The following CHN2 variants were observed in gnomAD, a reference collection of about 807,000 sequenced individuals.
The protein encoded by CHN2 is beta-chimaerin.
Under a neutral mutation model 56.3 loss-of-function variants are expected in CHN2, and 35 were observed. That is an observed-to-expected ratio of 0.62 (90% CI 0.47 to 0.82). CHN2 has a LOEUF of 0.82. Among genes scored for constraint, CHN2 ranks in the 40% least tolerant of loss-of-function variants. The pLI is 0.00. For missense variants in CHN2, 491 were observed against 580.5 expected (o/e 0.85, Z 1.58); for synonymous variants, 210 against 212.8 (o/e 0.99, Z 0.12).
intron 1 of CHN2, among the ~76,000 whole-genome samples, chr7:29,207,935 A>G (rs1026169172): frequency 3.9e-5 from 6 of 152,210 alleles, no homozygotes; most frequent in African/African-American, 1.4e-4. Flanking sequence ...AATGCATTTG[A>G]TCAGATCACA....
intron 1 of CHN2, among the ~76,000 whole-genome samples, chr7:29,251,569 A>T (rs1788524977): frequency 1.3e-5 from 2 of 152,264 alleles, no homozygotes; most frequent in African/African-American, 4.8e-5. Context: ...GAACATGGTG[A>T]GTACTGAATA....
intron 6 of CHN2, among the ~76,000 whole-genome samples, chr7:29,409,275 G>A (rs1432447135): frequency 6.6e-6 from 1 of 152,112 alleles, no homozygotes; most frequent in Non-Finnish European, 1.5e-5. Context: ...GGACCCCAAA[G>A]AGCTTCTGTT....
chr7:29,338,303 GA>G (rs1391254170), intron 1 of CHN2, among the ~76,000 whole-genome samples: 1 of 152,290 alleles, frequency 6.6e-6, no homozygotes, highest in East Asian at 1.9e-4. Flanking sequence ...TGTAAGATGG[GA>G]TAAGAGTACC....
intron 6 of CHN2, among the ~76,000 whole-genome samples, chr7:29,465,636 T>G (rs937488658): frequency 1.3e-5 from 2 of 152,206 alleles, no homozygotes; most frequent in Non-Finnish European, 2.9e-5. Flanking sequence ...CAAGAAATTC[T>G]TAGCAAACAA....
In CHN2 at chr7:29,328,125, G is replaced by A. The variant is rs756600786; in HGVS notation, c.50-26500G>A. Reference sequence around the variant, plus strand: ...AGTCTTTAAAGAGAGTTCATCCTGGGCAGCGTCTTCATTTCTGCTCGGCCT... The same window carrying A: ...AGTCTTTAAAGAGAGTTCATCCTGGACAGCGTCTTCATTTCTGCTCGGCCT... On this transcript the variant is annotated intron_variant, in intron 1 of 12. Coordinates refer to ENST00000222792, the MANE Select transcript of CHN2 (RefSeq NM_004067.4). Among the ~76,000 whole-genome samples, 11 of 152,274 alleles carry A rather than the reference G, an allele frequency of 7.2e-5. 1 individual carries two copies. The South Asian group carries it at 1.2e-3, about 17-fold the overall frequency.
chr7:29,321,221 AC>A (rs1029120756), intron 1 of CHN2, among the ~76,000 whole-genome samples: 4 of 152,250 alleles, frequency 2.6e-5, no homozygotes, highest in Admixed American at 2.0e-4. Flanking sequence ...TGTGCAGACA[AC>A]CCAAGATCTT....
At chr7:29,482,696 A>G (rs969680384) in intron 7 of CHN2, among the ~76,000 whole-genome samples, 1 of 150,300 alleles carries the variant, frequency 6.7e-6, no homozygotes, top group African/African-American at 2.5e-5. Context: ...TGAGGCTACT[A>G]TGTGCATAGC....
chr7:29,461,245 A>G (rs1009658929), intron 6 of CHN2, among the ~76,000 whole-genome samples: 3 of 152,232 alleles, frequency 2.0e-5, no homozygotes, highest in African/African-American at 4.8e-5. Context: ...TGCTAAAGAC[A>G]GGAATACAGT....
chr7:29,477,838 T>C (rs1489046605), intron 6 of CHN2, among the ~76,000 whole-genome samples: 3 of 152,252 alleles, frequency 2.0e-5, no homozygotes, highest in Admixed American at 6.5e-5. Context: ...CAGTCCTCTT[T>C]GCACACCTTC....
intron 6 of CHN2, among the ~76,000 whole-genome samples, chr7:29,468,597 C>G (rs932805316): frequency 1.4e-5 from 2 of 145,476 alleles, no homozygotes; most frequent in African/African-American, 5.7e-5. Context: ...ACTCTTTTTA[C>G]TGCAGTGCTT....
rs1791233975 is a variant in CHN2 at position 29,510,834 on chromosome 7, A to AGAG, written c.1235+1429_1235+1431dup. Among the ~76,000 whole-genome samples, 4 of 152,302 alleles carry AGAG rather than the reference A, an allele frequency of 2.6e-5. No individual in the cohort carries two copies. In the South Asian group the frequency reaches 8.3e-4, roughly 32 times the overall value. On this transcript the variant is annotated intron_variant, in intron 12 of 12. Coordinates refer to ENST00000222792, the MANE Select transcript of CHN2 (RefSeq NM_004067.4). ...CATGGATCGCTGAGGTCCATCTCAG[A>AGAG]GAGTACCTGCCACACACACAGCTGT...
At chr7:29,240,834 G>GTCA (rs386409809) in intron 1 of CHN2, among the ~76,000 whole-genome samples, 6 of 148,240 alleles carry the variant, frequency 4.0e-5, no homozygotes, top group Admixed American at 2.0e-4. Context: ...CGTCGTCGTC[G>GTCA]TCTTCGTCTT....
intron 6 of CHN2, among the ~76,000 whole-genome samples, chr7:29,408,960 G>A (rs1254248420): frequency 6.6e-6 from 1 of 152,178 alleles, no homozygotes; most frequent in African/African-American, 2.4e-5. Context: ...TCTTGTGGCT[G>A]AAAGGAGAGT....
chr7:29,325,092 A>G (rs144792721), intron 1 of CHN2, among the ~76,000 whole-genome samples: 1 of 152,104 alleles, frequency 6.6e-6, no homozygotes, highest in Non-Finnish European at 1.5e-5. Context: ...TTTACAGTCT[A>G]TCCATTATTA....
At position 29,174,026 on chromosome 7, in the gene CHN2, A is replaced by G. The variant is rs568171961; in HGVS notation, c.274+27066A>G. Among the ~76,000 whole-genome samples, 11 of 152,154 alleles carry G rather than the reference A, an allele frequency of 7.2e-5. No individual in the cohort carries two copies. In the East Asian group the frequency reaches 1.9e-3, roughly 27 times the overall value. On this transcript the variant is annotated intron_variant, in intron 2 of 6. Transcript: ENST00000439384. ...TTAATTTAGAATAATTGAGAGGCCCAGACACAAGCGGAGTTCACACACACT... is the reference window on the plus strand; with the variant it reads ...TTAATTTAGAATAATTGAGAGGCCCGGACACAAGCGGAGTTCACACACACT...
At chr7:29,388,383 C>T (rs1316197933) in intron 3 of CHN2, among the ~76,000 whole-genome samples, 1 of 152,194 alleles carries the variant, frequency 6.6e-6, no homozygotes, top group Non-Finnish European at 1.5e-5. Flanking sequence ...TGGGCCTAAC[C>T]CTTCCTTCTA....
chr7:29,391,705 C>T (rs551535076), intron 3 of CHN2, among the ~76,000 whole-genome samples: 165 of 152,282 alleles, frequency 1.1e-3, no homozygotes, highest in African/African-American at 3.8e-3. Flanking sequence ...TCTCCTTAAG[C>T]GTTTCCCTCT....
At chr7:29,404,910 T>C (rs540765956) in intron 6 of CHN2, among the ~76,000 whole-genome samples, 1 of 151,860 alleles carries the variant, frequency 6.6e-6, no homozygotes, top group African/African-American at 2.4e-5. Context: ...GTCATAAATA[T>C]CCCTTGAAGG....
At chr7:29,507,673 T>G (rs188329385) in intron 11 of CHN2, among the ~76,000 whole-genome samples, 205 of 152,264 alleles carry the variant, frequency 1.3e-3, no homozygotes, top group Non-Finnish European at 2.1e-3. Flanking sequence ...GAAAAAAAAG[T>G]CTTCAATGAG....
Sources: gnomAD v4.1 joint callset for allele counts (sites outside exome capture counted in the v4.1 genomes callset) on GRCh38, gnomAD v4.1.1 for gene constraint, MANE v1.5 for transcripts, NCBI Gene and HGNC (gene_info 2026-07-23, HGNC 2026-07-21) for gene names.